The following NEGR1 variants were observed in gnomAD, a reference collection of about 807,000 sequenced individuals.
The protein encoded by NEGR1 is neuronal growth regulator 1.
NEGR1 carries 10 observed loss-of-function variants against 40.9 expected under a neutral mutation model. The ratio of observed to expected loss-of-function variants is 0.24; its 90% CI spans 0.15 to 0.42. The LOEUF is 0.42. Among genes scored for constraint, NEGR1 ranks in the 10% least tolerant of loss-of-function variants. NEGR1 has a pLI of 1.00. For synonymous variants in NEGR1, 185 were observed against 166.8 expected (o/e 1.11, Z -0.84); for missense variants, 352 against 438.9 (o/e 0.80, Z 1.77).
At chr1:72,132,332 A>C (rs1372529467) in intron 1 of NEGR1, among the ~76,000 whole-genome samples, 1 of 152,110 alleles carries the variant, frequency 6.6e-6, no homozygotes, top group East Asian at 1.9e-4. Context: ...GAAGAAGAAA[A>C]CCTGAGGTCA....
At chr1:72,268,438 T>C (rs1204731272) in intron 1 of NEGR1, among the ~76,000 whole-genome samples, 1 of 151,448 alleles carries the variant, frequency 6.6e-6, no homozygotes, top group Non-Finnish European at 1.5e-5. Flanking sequence ...CGTAAGTTTT[T>C]TGTAACACAC....
At chr1:71,994,796 T>C (rs1425791257) in intron 1 of NEGR1, among the ~76,000 whole-genome samples, 1 of 152,102 alleles carries the variant, frequency 6.6e-6, no homozygotes, top group Non-Finnish European at 1.5e-5. Flanking sequence ...GATATTACTT[T>C]GTGAACTTCC....
intron 6 of NEGR1, among the ~76,000 whole-genome samples, chr1:71,442,207 C>T (rs1030965777): frequency 9.8e-5 from 14 of 142,604 alleles, no homozygotes; most frequent in Non-Finnish European, 1.8e-4. Flanking sequence ...TTTAAAAACA[C>T]AATGGCAAGG....
chr1:71,631,350 T>C (rs553885635), intron 4 of NEGR1, among the ~76,000 whole-genome samples: 2 of 151,932 alleles, frequency 1.3e-5, no homozygotes, highest in Admixed American at 6.6e-5. Context: ...TAAGTAAAGC[T>C]AAGTAGCTTT....
chr1:72,078,640 TA>T (rs1647854338), intron 1 of NEGR1, among the ~76,000 whole-genome samples: 1 of 139,204 alleles, frequency 7.2e-6, no homozygotes, highest in African/African-American at 2.8e-5. Context: ...TATATATATT[TA>T]TTTATTTTTT....
At chr1:71,728,723 T>C (rs984506972) in intron 3 of NEGR1, among the ~76,000 whole-genome samples, 1 of 152,184 alleles carries the variant, frequency 6.6e-6, no homozygotes, top group Non-Finnish European at 1.5e-5. Context: ...TCAGAGTTTT[T>C]AGCACTAAAT....
chr1:71,572,255 G>A (rs754571778), intron 6 of NEGR1, among the ~76,000 whole-genome samples: 28 of 152,128 alleles, frequency 1.8e-4, no homozygotes, highest in Non-Finnish European at 3.8e-4. Flanking sequence ...CACATAGCAA[G>A]TCTAAACAAA....
chr1:72,060,225 C>T (rs1647153814), intron 1 of NEGR1, among the ~76,000 whole-genome samples: 1 of 151,590 alleles, frequency 6.6e-6, no homozygotes, highest in South Asian at 2.1e-4. Context: ...TTCCCTCACA[C>T]ACAGACAGTT....
chr1:71,909,641 G>A (rs1336144260), intron 2 of NEGR1, among the ~76,000 whole-genome samples: 1 of 152,132 alleles, frequency 6.6e-6, no homozygotes, highest in Admixed American at 6.6e-5. Context: ...TAACTGGAAA[G>A]GGGTTTTTAT....
intron 5 of NEGR1, among the ~76,000 whole-genome samples, chr1:71,602,995 T>G (rs1037558827): frequency 1.3e-5 from 2 of 152,174 alleles, no homozygotes; most frequent in African/African-American, 4.8e-5. Context: ...ACATTGGTTA[T>G]TAAAAGAAAT....
chr1:71,408,229 T>G (rs1015953015), intron 6 of NEGR1, among the ~76,000 whole-genome samples: 1 of 151,828 alleles, frequency 6.6e-6, no homozygotes, highest in African/African-American at 2.4e-5. Context: ...CAGAGCAAGG[T>G]GTGTCGTATA....
chr1:71,564,662 A>T (rs1218681821), intron 6 of NEGR1, among the ~76,000 whole-genome samples: 2 of 152,114 alleles, frequency 1.3e-5, no homozygotes, highest in Admixed American at 6.6e-5. Flanking sequence ...AAATAAGAAA[A>T]TTTTTTATAA....
At chr1:71,533,943 A>G (rs933983910) in intron 6 of NEGR1, among the ~76,000 whole-genome samples, 1 of 151,698 alleles carries the variant, frequency 6.6e-6, no homozygotes, top group African/African-American at 2.4e-5. Context: ...TCACATAAAT[A>G]ATCTACTCCT....
chr1:72,223,483 G>T (rs1464041016), intron 1 of NEGR1, among the ~76,000 whole-genome samples: 1 of 152,178 alleles, frequency 6.6e-6, no homozygotes, highest in African/African-American at 2.4e-5. Flanking sequence ...AATCTATGAT[G>T]AGTGAGACAG....
At chr1:71,743,913 T>C (rs1457112221) in intron 3 of NEGR1, among the ~76,000 whole-genome samples, 1 of 152,200 alleles carries the variant, frequency 6.6e-6, no homozygotes, top group Non-Finnish European at 1.5e-5. Context: ...ATACAGGGAA[T>C]TGCTTATAAA....
chr1:71,820,575 A>T (rs1658394358), intron 2 of NEGR1, among the ~76,000 whole-genome samples: 1 of 151,948 alleles, frequency 6.6e-6, no homozygotes, highest in South Asian at 2.1e-4. Context: ...GGGACATATG[A>T]CACATGATTA....
chr1:71,826,015 G>A (rs986573154), intron 2 of NEGR1, among the ~76,000 whole-genome samples: 1 of 151,690 alleles, frequency 6.6e-6, no homozygotes, highest in Admixed American at 6.6e-5. Context: ...GCTTTCATAC[G>A]CCACAAAGAA....
chr1:71,917,981 G>GC (rs1661638460), intron 2 of NEGR1, among the ~76,000 whole-genome samples: 1 of 150,460 alleles, frequency 6.6e-6, no homozygotes, highest in Non-Finnish European at 1.5e-5. Flanking sequence ...ACTTTGGGAG[G>GC]CCGAGGCGGG....
At chr1:71,863,986 T>A (rs905332194) in intron 2 of NEGR1, among the ~76,000 whole-genome samples, 42 of 152,286 alleles carry the variant, frequency 2.8e-4, no homozygotes, top group Middle Eastern at 3.4e-3. Flanking sequence ...AAACTGAAAC[T>A]CACCAAAGTA....
Sources: allele counts gnomAD v4.1 joint callset (sites outside exome capture counted in the v4.1 genomes callset), GRCh38; gene constraint gnomAD v4.1.1; transcripts MANE v1.5; gene names NCBI Gene and HGNC (gene_info 2026-07-23, HGNC 2026-07-21).